NEK11: variants seen among roughly 807,000 people sequenced by gnomAD.
NEK11 encodes serine/threonine-protein kinase Nek11.
NEK11 carries 72 observed loss-of-function variants against 80.7 expected under a neutral mutation model. The observed-to-expected ratio is 0.89, with a 90% confidence interval of 0.74 to 1.08. NEK11 has a LOEUF of 1.08. Among genes scored for constraint, NEK11 ranks in the 50% least tolerant of loss-of-function variants. The pLI is 0.00. For synonymous variants in NEK11, 251 were observed against 260.7 expected, an observed-to-expected ratio of 0.96 and a Z score of 0.36; for missense variants, 764 against 763.6, an observed-to-expected ratio of 1.00 and a Z score of -0.01.
chr3:131,112,536 C>G (rs1212997670), intron 5 of NEK11, among the ~76,000 whole-genome samples: 1 of 152,084 alleles, frequency 6.6e-6, no homozygotes, highest in Non-Finnish European at 1.5e-5. Flanking sequence ...AAAAAATCAT[C>G]AAATTTAAGA....
chr3:131,029,564 C>A, intron 2 of NEK11, 49 bp from the exon 3 acceptor site: 1 of 695,472 alleles, frequency 1.4e-6, no homozygotes, highest in Non-Finnish European at 2.4e-6. Flanking sequence ...TTTTGTTAGA[C>A]ATCGTTTAGC....
Position 131,227,892 on chromosome 3 carries a change from A to G in NEK11, c.1400-636A>G, listed in dbSNP as rs565114411. ...ACTTGGGTAGATGCTTATTGTCATC[A>G]GCTTAGGTGGGTATTCTTTTTTAAA... On this transcript the variant is annotated intron_variant, in intron 14 of 17. Transcript: ENST00000383366. 1.4e-3 allele frequency among the ~76,000 whole-genome samples: 207 copies of G among 152,172 alleles called. 1 individual carries two copies. Among genetic ancestry groups the G allele is most frequent in the Non-Finnish European group, 2.2e-3 (151 of 68,018 alleles).
rs555747377 is a variant in NEK11 at position 131,165,018 on chromosome 3, T to C, written c.1083-408T>C. ...CCCTGCGCAATGACTCCCAGATATTTCCTCATAAATCCTTTGATATGTAGC... is the reference window on the plus strand; with the variant it reads ...CCCTGCGCAATGACTCCCAGATATTCCCTCATAAATCCTTTGATATGTAGC... On this transcript the variant is annotated intron_variant, in intron 11 of 17. Coordinates refer to ENST00000383366, the MANE Select transcript of NEK11 (RefSeq NM_024800.5). Among the ~76,000 whole-genome samples the C allele has an allele frequency of 2.0e-5, 3 of 152,346 alleles. No individual in the cohort carries two copies. The East Asian group carries it at 5.8e-4, about 29-fold the overall frequency.
chr3:131,080,471 T>C lies in NEK11; in HGVS notation c.219T>C (p.Thr73=), dbSNP rs1311374098. 3.1e-6 allele frequency: 5 copies of C among 1,613,460 alleles called. 1 individual carries two copies. In the South Asian group the frequency reaches 3.3e-5, roughly 11 times the overall value. ...ISVGELNPNE[T]VQANLEAQLL... ...TTGGAGAACTAAATCCAAATGAAAC[T>C]GTACAGGCCAATTTGGAAGCCCAAC... Residue 73 remains threonine, a synonymous_variant, in exon 4 of 18, where the codon ACT becomes ACC. Coordinates refer to ENST00000383366, the MANE Select transcript of NEK11 (RefSeq NM_024800.5).
intron 17 of NEK11, among the ~76,000 whole-genome samples, chr3:131,340,343 G>A: frequency 6.6e-6 from 1 of 152,108 alleles, no homozygotes; most frequent in Non-Finnish European, 1.5e-5. Flanking sequence ...TAAAATATGA[G>A]GACATTTTAG....
At chr3:131,183,055 A>G (rs2093435922) in intron 14 of NEK11, among the ~76,000 whole-genome samples, 1 of 152,224 alleles carries the variant, frequency 6.6e-6, no homozygotes, top group Non-Finnish European at 1.5e-5. Flanking sequence ...GTGAGATTAT[A>G]CATTTTGAAC....
At chr3:131,063,415 C>A (rs926451774) in intron 3 of NEK11, among the ~76,000 whole-genome samples, 4 of 152,166 alleles carry the variant, frequency 2.6e-5, no homozygotes, top group Admixed American at 2.6e-4. Flanking sequence ...CCAGGACCAT[C>A]TTCTCTATGC....
At chr3:131,115,934 CTTTCT>C (rs1420396393) in intron 5 of NEK11, among the ~76,000 whole-genome samples, 1 of 116,058 alleles carries the variant, frequency 8.6e-6, no homozygotes, top group Non-Finnish European at 1.8e-5. Flanking sequence ...TTCTTTCTTT[CTTTCT>C]TTCTTTCTTT....
intron 16 of NEK11, among the ~76,000 whole-genome samples, chr3:131,264,494 G>C (rs571536525): frequency 5.8e-4 from 88 of 152,090 alleles, no homozygotes; most frequent in African/African-American, 2.1e-3. Context: ...TCTTGTTTTT[G>C]TCAGGTTTGT....
At chr3:131,292,259 G>A (rs72991576) in intron 17 of NEK11, among the ~76,000 whole-genome samples, 18,007 of 152,054 alleles carry the variant, frequency 0.12, 1,507 homozygotes, top group East Asian at 0.3. Context: ...TGGACTTTCT[G>A]TTCTGTTTCA....
rs116022396 is a variant in NEK11 at position 131,083,471 on chromosome 3, G to T, written c.336+2883G>T. ...TCCTGAGGAGTGACTTGCACAGATT[G>T]CTCCGTTCTTGTTAACAGAGATATT... On this transcript the variant is annotated intron_variant, in intron 4 of 17. Transcript: ENST00000383366. Among the ~76,000 whole-genome samples the T allele has an allele frequency of 9.5e-3, 1,444 of 152,290 alleles. 19 individuals are homozygous for T. Among genetic ancestry groups the T allele is most frequent in the African/African-American group, 0.031 (1,290 of 41,550 alleles).
At chr3:131,141,877 A>G (rs769431462) in intron 7 of NEK11, among the ~76,000 whole-genome samples, 1 of 152,180 alleles carries the variant, frequency 6.6e-6, no homozygotes, top group African/African-American at 2.4e-5. Flanking sequence ...TAATTATGAA[A>G]AGAAGCTTGT....
intron 17 of NEK11, among the ~76,000 whole-genome samples, chr3:131,306,222 C>G (rs1364419148): frequency 6.6e-6 from 1 of 152,102 alleles, no homozygotes; most frequent in Non-Finnish European, 1.5e-5. Flanking sequence ...TTGTCTTGTT[C>G]TGGTACTTTG....
chr3:131,105,396 C>G (rs1355169098), intron 4 of NEK11, among the ~76,000 whole-genome samples: 1 of 152,158 alleles, frequency 6.6e-6, no homozygotes, highest in Non-Finnish European at 1.5e-5. Flanking sequence ...TCTTAGCTAG[C>G]TTAATCACGT....
intron 7 of NEK11, among the ~76,000 whole-genome samples, chr3:131,148,889 G>A (rs1015221323): frequency 6.6e-5 from 10 of 151,440 alleles, no homozygotes; most frequent in Admixed American, 1.3e-4. Flanking sequence ...CATATTTATG[G>A]GGCACATGTG....
chr3:131,044,448 G>T (rs1298523359), intron 3 of NEK11, among the ~76,000 whole-genome samples: 38 of 31,470 alleles, frequency 1.2e-3, no homozygotes, highest in African/African-American at 1.3e-3. Context: ...AAAAAAGGTG[G>T]GGGGGGGGGT....
At chr3:131,338,635 T>C (rs1220979077) in intron 17 of NEK11, among the ~76,000 whole-genome samples, 2 of 152,080 alleles carry the variant, frequency 1.3e-5, no homozygotes, top group Non-Finnish European at 2.9e-5. Context: ...CTGCAGCACA[T>C]CCGTACAGTG....
intron 10 of NEK11, among the ~76,000 whole-genome samples, chr3:131,156,753 CT>C (rs1418873924): frequency 6.6e-6 from 1 of 152,144 alleles, no homozygotes; most frequent in African/African-American, 2.4e-5. Flanking sequence ...CATAGAGTTG[CT>C]CTGCATTTAA....
chr3:131,187,618 C>T (rs1416721572), intron 14 of NEK11, among the ~76,000 whole-genome samples: 1 of 152,112 alleles, frequency 6.6e-6, no homozygotes, highest in Non-Finnish European at 1.5e-5. Flanking sequence ...TTGTACTGGA[C>T]CCAGCCCCAT....
Sources: gnomAD v4.1 joint callset for allele counts (sites outside exome capture counted in the v4.1 genomes callset) on GRCh38, gnomAD v4.1.1 for gene constraint, MANE v1.5 for transcripts, NCBI Gene and HGNC (gene_info 2026-07-23, HGNC 2026-07-21) for gene names.